The following CAST variants were observed in gnomAD, a reference collection of about 807,000 sequenced individuals.
CAST encodes the protein MIR583 host.
CAST carries 76 observed loss-of-function variants against 119.6 expected under a neutral mutation model. That is an observed-to-expected ratio of 0.64 (90% CI 0.53 to 0.77). The LOEUF (loss-of-function observed/expected upper bound fraction) is 0.77. CAST is among the 30% of genes least tolerant of loss of function. The pLI is 0.00. For missense variants in CAST, 953 were observed against 946.5 expected (o/e 1.01, Z -0.09); for synonymous variants, 319 against 331.6 (o/e 0.96, Z 0.41).
chr5:96,288,432 G>A, the CAST span, among the ~76,000 whole-genome samples: 24 of 152,226 alleles, frequency 1.6e-4, no homozygotes, highest in Non-Finnish European at 2.6e-4. Context: ...ATTTCCTGCA[G>A]CCATGCTCCT....
the CAST span, among the ~76,000 whole-genome samples, chr5:96,512,502 G>A: frequency 6.6e-6 from 1 of 152,168 alleles, no homozygotes; most frequent in Admixed American, 6.5e-5. Flanking sequence ...TTAAATAGAT[G>A]AATGACTGAC....
intron 1 of CAST, among the ~76,000 whole-genome samples, chr5:96,585,823 A>G (rs1746849517): frequency 6.6e-6 from 1 of 152,226 alleles, no homozygotes; most frequent in Non-Finnish European, 1.5e-5. Flanking sequence ...GGTTTTTGAA[A>G]AGATATAGAG....
the CAST span, among the ~76,000 whole-genome samples, chr5:96,299,569 C>T: frequency 6.6e-6 from 1 of 152,148 alleles, no homozygotes; most frequent in Non-Finnish European, 1.5e-5. Flanking sequence ...TCCTCCACAG[C>T]ACACTGGTCC....
chr5:96,458,290 T>C, the CAST span, among the ~76,000 whole-genome samples: 1 of 152,224 alleles, frequency 6.6e-6, no homozygotes, highest in Non-Finnish European at 1.5e-5. Context: ...CTATGGCTGC[T>C]TTTACACTAT....
At position 96,617,790 on chromosome 5, in the gene CAST, T is replaced by TAAAA. The variant is rs1162873931; in HGVS notation, c.61-57713_61-57710dup. Among the ~76,000 whole-genome samples the TAAAA allele has an allele frequency of 2.0e-3, 44 of 21,996 alleles. 11 individuals are homozygous for TAAAA. Among genetic ancestry groups the TAAAA allele is most frequent in the African/African-American group, 3.7e-3 (32 of 8,564 alleles). 14.4% of individuals were successfully genotyped at this position (21,996 alleles called of 152,430 possible). A position where few individuals can be genotyped will look rare whatever the true frequency, so the allele number is the denominator to read the frequency against. On this transcript the variant is annotated intron_variant, in intron 1 of 11. Coordinates refer to the CAST transcript ENST00000505143. ...CTGGGCAACAGAGCAAAATTCCATC[T>TAAAA]AAAAAAAAAAAAAAAAAAAAAAAAA...
chr5:96,662,433 C>T lies in CAST; in HGVS notation c.11C>T (p.Pro4Leu), dbSNP rs1357959666. The change falls in exon 1 of 32, where the codon CCC (proline) becomes CTC (leucine). Residue 4 changes from proline to leucine, a missense_variant. By Grantham distance (98) the Pro-to-Leu change is moderately conservative. Coordinates refer to ENST00000675179, the MANE Select transcript of CAST (RefSeq NM_001750.7). ...CGCAGCGGCCTCGCCATGTCCCAGC[C>T]CGGCCAGAAGCCCGCCGCCTCCCCG... is the stretch of plus-strand genomic sequence containing the variant. MSQ[P>L]GQKPAASPRP... The T allele has an allele frequency of 6.9e-7, 1 of 1,447,852 alleles. No individual in the cohort carries two copies. Among genetic ancestry groups the T allele is most frequent in the South Asian group, 1.4e-5 (1 of 73,562 alleles). 89.7% of individuals were successfully genotyped at this position (1,447,852 alleles called of 1,614,324 possible).
chr5:96,205,143 A>G, the CAST span, among the ~76,000 whole-genome samples: 3 of 152,024 alleles, frequency 2.0e-5, no homozygotes, highest in South Asian at 2.1e-4. Flanking sequence ...TACATTCTGG[A>G]TACTAGCCCT....
the CAST span, among the ~76,000 whole-genome samples, chr5:96,503,674 G>A: frequency 6.6e-6 from 1 of 152,136 alleles, no homozygotes; most frequent in South Asian, 2.1e-4. Flanking sequence ...ATGTCGTGCT[G>A]CTCTATTGAA....
the CAST span, chr5:95,961,783 G>A: frequency 3.2e-5 from 48 of 1,493,686 alleles, no homozygotes; most frequent in Non-Finnish European, 4.1e-5. Flanking sequence ...CTGCGGCCGC[G>A]GCTGCTTGGG....
the CAST span, among the ~76,000 whole-genome samples, chr5:96,317,498 A>G: frequency 2.0e-5 from 3 of 151,176 alleles, no homozygotes; most frequent in Admixed American, 2.0e-4. Context: ...AAAAAAAAAA[A>G]AAAGAATGGT....
At chr5:96,433,287 T>G in the CAST span, 1 of 550,266 alleles carries the variant, frequency 1.8e-6, no homozygotes, top group Admixed American at 3.1e-5. Context: ...GAAATGAGTG[T>G]TTACACGTCA....
At chr5:96,470,300 A>C in the CAST span, among the ~76,000 whole-genome samples, 1 of 152,044 alleles carries the variant, frequency 6.6e-6, no homozygotes, top group Non-Finnish European at 1.5e-5. Flanking sequence ...AAATATATAA[A>C]GGTTAGTCAT....
chr5:96,742,627 C>G (rs1036179044), intron 15 of CAST, 28 bp from the exon 16 acceptor site: 1 of 1,433,620 alleles, frequency 7.0e-7, no homozygotes, highest in African/African-American at 1.4e-5. Flanking sequence ...TGTCTTTTTT[C>G]ATGCACAGGA....
chr5:96,278,134 CT>C, the CAST span, among the ~76,000 whole-genome samples: 3 of 151,806 alleles, frequency 2.0e-5, no homozygotes, highest in Non-Finnish European at 4.4e-5. Flanking sequence ...AAGGAATGCT[CT>C]TCAGAAAAAG....
At chr5:96,232,234 T>G in the CAST span, among the ~76,000 whole-genome samples, 1 of 151,774 alleles carries the variant, frequency 6.6e-6, no homozygotes, top group Non-Finnish European at 1.5e-5. Context: ...AGGATGAGAG[T>G]GTTGGAAGCT....
intron 1 of CAST, among the ~76,000 whole-genome samples, chr5:96,638,000 G>A (rs182401691): frequency 7.4e-4 from 113 of 152,298 alleles, no homozygotes; most frequent in African/African-American, 2.6e-3. Flanking sequence ...CCCCTGACTA[G>A]ACTAACTGAG....
In CAST at chr5:96,678,736, A is replaced by G. The variant is rs1030372415; in HGVS notation, c.138+3135A>G. On this transcript the variant is annotated intron_variant, in intron 2 of 31. Coordinates refer to ENST00000675179, the MANE Select transcript of CAST (RefSeq NM_001750.7). ...GTGGCGCGCACCCGTAGTCCCACCT[A>G]CTCAGGCAGCTGAGGCAGGAGAATC... 2.6e-5 allele frequency among the ~76,000 whole-genome samples: 4 copies of G among 152,034 alleles called. No individual in the cohort carries two copies. In the South Asian group the frequency reaches 6.2e-4, roughly 24 times the overall value.
the CAST span, among the ~76,000 whole-genome samples, chr5:96,513,924 G>T: frequency 1.3e-5 from 2 of 152,124 alleles, no homozygotes; most frequent in African/African-American, 4.8e-5. Context: ...CTAGCTTCTG[G>T]CAGTGGTCAA....
intron 2 of CAST, among the ~76,000 whole-genome samples, chr5:96,693,257 A>C (rs1260942915): frequency 6.6e-6 from 1 of 152,214 alleles, no homozygotes; most frequent in East Asian, 1.9e-4. Context: ...AAGTTGAGGG[A>C]GCCTCCGTTA....
Sources: allele counts gnomAD v4.1 joint callset (sites outside exome capture counted in the v4.1 genomes callset), GRCh38; gene constraint gnomAD v4.1.1; transcripts MANE v1.5; gene names NCBI Gene and HGNC (gene_info 2026-07-23, HGNC 2026-07-21).